Variants in PPP1R9A observed in about 807,000 individuals in gnomAD.
PPP1R9A encodes the protein neurabin-1.
Under a neutral mutation model 141.9 loss-of-function variants are expected in PPP1R9A, and 59 were observed. That is an observed-to-expected ratio of 0.42 (90% confidence interval 0.34 to 0.52). The LOEUF is 0.52. Ranked by LOEUF, PPP1R9A falls within the 20% of genes least tolerant of loss-of-function variation. The pLI is 0.10. For missense variants in PPP1R9A, 1,444 were observed against 1,611.9 expected, an observed-to-expected ratio of 0.90 and a Z score of 1.78; for synonymous variants, 500 against 569.7, an observed-to-expected ratio of 0.88 and a Z score of 1.74.
chr7:94,959,281 T>C (rs1317481167), intron 2 of PPP1R9A, among the ~76,000 whole-genome samples: 1 of 151,806 alleles, frequency 6.6e-6, no homozygotes, highest in Non-Finnish European at 1.5e-5. Flanking sequence ...GTGATGTGTT[T>C]GGTGTTTTCT....
chr7:95,254,615 C>T (rs1782238473), intron 12 of PPP1R9A, among the ~76,000 whole-genome samples: 1 of 152,086 alleles, frequency 6.6e-6, no homozygotes, highest in African/African-American at 2.4e-5. Context: ...AGTGGTTTAG[C>T]ATGTTTTTAG....
chr7:94,983,047 T>G (rs1435347601), intron 2 of PPP1R9A, among the ~76,000 whole-genome samples: 1 of 152,232 alleles, frequency 6.6e-6, no homozygotes, highest in African/African-American at 2.4e-5. Flanking sequence ...GGCTAGCCAG[T>G]TTCCCCAGCA....
Position 95,207,023 on chromosome 7 carries a change from A to G in PPP1R9A, c.1956+3293A>G, listed in dbSNP as rs138112844. The stretch of plus-strand genomic sequence containing the variant: ...CCAAAAAAATTTTTTCTAACAAATT[A>G]TGATCACAAGTAGCCTTAATTTATG... On this transcript the variant is annotated intron_variant, in intron 7 of 19. Transcript: ENST00000433360. 7.7e-3 allele frequency among the ~76,000 whole-genome samples: 1,167 copies of G among 152,256 alleles called. 28 individuals carry two copies. The highest frequency in any genetic ancestry group is 0.041 in the Admixed American group (622 of 15,282).
intron 2 of PPP1R9A, among the ~76,000 whole-genome samples, chr7:95,102,454 G>C (rs1818912737): frequency 6.6e-6 from 1 of 152,130 alleles, no homozygotes; most frequent in South Asian, 2.1e-4. Flanking sequence ...GAATCCAGCA[G>C]CCTCAGTATC....
At chr7:95,259,871 G>A (rs1303823833) in intron 12 of PPP1R9A, among the ~76,000 whole-genome samples, 1 of 151,990 alleles carries the variant, frequency 6.6e-6, no homozygotes, top group African/African-American at 2.4e-5. Context: ...TTGGAGCCTA[G>A]GGAATTCTAG....
intron 1 of PPP1R9A, 103 bp downstream of exon 1, chr7:94,907,805 C>A (rs1300974323): frequency 6.6e-6 from 1 of 151,210 alleles, no homozygotes; most frequent in Non-Finnish European, 1.5e-5. Context: ...GTGGGCCAAA[C>A]CCCTTCCCCG....
intron 7 of PPP1R9A, among the ~76,000 whole-genome samples, chr7:95,215,022 G>T (rs1312830032): frequency 6.6e-6 from 1 of 151,804 alleles, no homozygotes; most frequent in Non-Finnish European, 1.5e-5. Flanking sequence ...TGCACAATGT[G>T]CAGGTTTGTT....
chr7:95,235,852 G>A (rs185483978), intron 8 of PPP1R9A, among the ~76,000 whole-genome samples: 2 of 152,306 alleles, frequency 1.3e-5, no homozygotes, highest in East Asian at 3.9e-4. Flanking sequence ...CAGCAACCTG[G>A]ATGGAATTGG....
intron 2 of PPP1R9A, among the ~76,000 whole-genome samples, chr7:95,014,360 A>G (rs1421680172): frequency 3.3e-5 from 5 of 152,010 alleles, no homozygotes; most frequent in African/African-American, 9.7e-5. Context: ...CAGTTAATTG[A>G]TAAAATATTC....
chr7:95,181,232 A>G (rs1833708022), intron 5 of PPP1R9A, among the ~76,000 whole-genome samples: 2 of 144,898 alleles, frequency 1.4e-5, no homozygotes, highest in African/African-American at 5.0e-5. Context: ...TATATAGAAT[A>G]TATATAGTAT....
intron 2 of PPP1R9A, among the ~76,000 whole-genome samples, chr7:95,098,589 C>T (rs78549504): frequency 0.062 from 9,507 of 152,206 alleles, 384 homozygotes; most frequent in Non-Finnish European, 0.091. Flanking sequence ...GCATTCTCTT[C>T]CACCACCCTG....
At chr7:95,272,954 T>C (rs1386935457) in intron 14 of PPP1R9A, among the ~76,000 whole-genome samples, 1 of 152,192 alleles carries the variant, frequency 6.6e-6, no homozygotes, top group African/African-American at 2.4e-5. Flanking sequence ...ACAGCATTTG[T>C]TAATCATCTG....
chr7:94,995,054 G>A (rs980430488), intron 2 of PPP1R9A, among the ~76,000 whole-genome samples: 1 of 151,908 alleles, frequency 6.6e-6, no homozygotes, highest in Non-Finnish European at 1.5e-5. Flanking sequence ...CAGCTTTTAT[G>A]TATCTGAAAA....
intron 2 of PPP1R9A, among the ~76,000 whole-genome samples, chr7:95,082,609 G>A (rs766272487): frequency 6.6e-6 from 1 of 151,730 alleles, no homozygotes; most frequent in African/African-American, 2.4e-5. Context: ...GCATGGGGGC[G>A]TGTGCCTGTA....
At chr7:95,227,278 C>T (rs1468251405) in intron 8 of PPP1R9A, among the ~76,000 whole-genome samples, 1 of 152,190 alleles carries the variant, frequency 6.6e-6, no homozygotes, top group Non-Finnish European at 1.5e-5. Context: ...GCCTATAATA[C>T]AGCTCTTTCA....
At chr7:95,246,287 T>C (rs144009034) in intron 8 of PPP1R9A, among the ~76,000 whole-genome samples, 18 of 152,300 alleles carry the variant, frequency 1.2e-4, no homozygotes, top group Non-Finnish European at 2.4e-4. Context: ...GTCTGAAAAC[T>C]CCACATTTCT....
chr7:95,270,337 A>G (rs1438688212), intron 14 of PPP1R9A, among the ~76,000 whole-genome samples: 1 of 152,160 alleles, frequency 6.6e-6, no homozygotes, highest in Non-Finnish European at 1.5e-5. Flanking sequence ...TTGGTCTATC[A>G]AGTTACCACA....
intron 2 of PPP1R9A, among the ~76,000 whole-genome samples, chr7:95,099,546 TTTAA>T (rs1240137416): frequency 1.1e-4 from 16 of 152,178 alleles, no homozygotes; most frequent in Non-Finnish European, 2.2e-4. Context: ...CTAATTTAGG[TTTAA>T]TTGTCTTAGA....
At chr7:95,137,887 AAGTC>A (rs1253490466) in intron 4 of PPP1R9A, among the ~76,000 whole-genome samples, 2 of 152,072 alleles carry the variant, frequency 1.3e-5, no homozygotes, top group Admixed American at 6.5e-5. Flanking sequence ...AATAGAAAAA[AAGTC>A]AGGAATAGAT....
Sources: allele counts gnomAD v4.1 joint callset (sites outside exome capture counted in the v4.1 genomes callset), GRCh38; gene constraint gnomAD v4.1.1; transcripts MANE v1.5; gene names NCBI Gene and HGNC (gene_info 2026-07-23, HGNC 2026-07-21).